OLFM2: variants seen among roughly 807,000 people sequenced by gnomAD.
OLFM2 encodes the protein olfactomedin 2.
Under a neutral mutation model 43.9 loss-of-function variants are expected in OLFM2, and 20 were observed. The ratio of observed to expected loss-of-function variants is 0.46; its 90% CI spans 0.32 to 0.66. The LOEUF is 0.66. Ranked by LOEUF, OLFM2 falls within the 30% of genes least tolerant of loss-of-function variation. The pLI is 0.04. For synonymous variants in OLFM2, 268 were observed against 278.6 expected (o/e 0.96, Z 0.38); for missense variants, 416 against 643.6 (o/e 0.65, Z 3.83).
chr19:9,863,961 GCACA>G (rs2046382440), intron 1 of OLFM2, among the ~76,000 whole-genome samples: 1 of 152,260 alleles, frequency 6.6e-6, no homozygotes, highest in Non-Finnish European at 1.5e-5. Flanking sequence ...TGGCAGCGGA[GCACA>G]GTAACTCACT....
chr19:9,923,652 GGAAAA>G (rs966484337), intron 1 of OLFM2, among the ~76,000 whole-genome samples: 1 of 147,902 alleles, frequency 6.8e-6, no homozygotes, highest in African/African-American at 2.5e-5. Flanking sequence ...GGAAAGGAAA[GGAAAA>G]GAAAAGAAAG....
At chr19:9,892,022 G>A (rs1250379182) in intron 1 of OLFM2, among the ~76,000 whole-genome samples, 5 of 152,088 alleles carry the variant, frequency 3.3e-5, no homozygotes, top group African/African-American at 7.2e-5. Flanking sequence ...CCCTGGAGTC[G>A]GGCACTATTG....
chr19:9,897,047 G>A (rs999069629), intron 1 of OLFM2, among the ~76,000 whole-genome samples: 1 of 152,088 alleles, frequency 6.6e-6, no homozygotes, highest in African/African-American at 2.4e-5. Flanking sequence ...AGAGGATGTG[G>A]GCCAGATGTG....
At chr19:9,917,413 C>T (rs994876313) in intron 1 of OLFM2, among the ~76,000 whole-genome samples, 2 of 152,132 alleles carry the variant, frequency 1.3e-5, no homozygotes, top group Non-Finnish European at 1.5e-5. Context: ...CAGAAAACTA[C>T]ATTTCCCAGA....
At chr19:9,909,834 G>A (rs2046814379) in intron 1 of OLFM2, among the ~76,000 whole-genome samples, 1 of 152,120 alleles carries the variant, frequency 6.6e-6, no homozygotes, top group Non-Finnish European at 1.5e-5. Context: ...TTGGCTAGAG[G>A]GGTAAATAAA....
chr19:9,866,368 G>A (rs985152819), intron 1 of OLFM2, among the ~76,000 whole-genome samples: 3 of 152,280 alleles, frequency 2.0e-5, no homozygotes, highest in Admixed American at 6.5e-5. Context: ...GGAACAGAGA[G>A]TGTCCTACTC....
intron 1 of OLFM2, among the ~76,000 whole-genome samples, chr19:9,881,666 T>C (rs550506247): frequency 3.7e-4 from 1 of 2,702 alleles, no homozygotes; most frequent in South Asian, 0.011. Flanking sequence ...TAATTTTTAA[T>C]TTTTTTTTTT....
rs1473103086 is a variant in OLFM2 at position 9,886,484 on chromosome 19, G to T, written c.64-25690C>A. Among the ~76,000 whole-genome samples the T allele has an allele frequency of 2.0e-5, 3 of 151,738 alleles. No homozygotes were observed. The East Asian group carries it at 5.9e-4, about 30-fold the overall frequency. ...GGCCTCCCAACATGTTGGTATTACCGCACTGGGCCCTAAGAGGGTATTTAT... is the reference window on the plus strand; with the variant it reads ...GGCCTCCCAACATGTTGGTATTACCTCACTGGGCCCTAAGAGGGTATTTAT... On this transcript the variant is annotated intron_variant, in intron 1 of 5. Transcript: ENST00000264833.
At position 9,900,988 on chromosome 19, in the gene OLFM2, A is replaced by AAGGAAGGAAGGAAGGGAGGGAGGG. The variant is rs1401980050; in HGVS notation, c.63+35315_63+35316insCCCTCCCTCCCTTCCTTCCTTCCT. On this transcript the variant is annotated intron_variant, in intron 1 of 5. Transcript: ENST00000264833. The stretch of plus-strand genomic sequence containing the variant: ...GAAGGAAGGAAGGAAGGAAGGAAGG[A>AAGGAAGGAAGGAAGGGAGGGAGGG]AGGGAGGGAGGGGGGAGGGAGGGAA... Among the ~76,000 whole-genome samples, 56 of 28,388 alleles carry AAGGAAGGAAGGAAGGGAGGGAGGG rather than the reference A, an allele frequency of 2.0e-3. 1 individual carries two copies. Among genetic ancestry groups the AAGGAAGGAAGGAAGGGAGGGAGGG allele is most frequent in the African/African-American group, 5.5e-3 (14 of 2,564 alleles). The allele number at this position is 28,388 out of a possible 152,430, so 18.6% of individuals were successfully genotyped here.
chr19:9,929,778 G>A (rs907736245), intron 1 of OLFM2, among the ~76,000 whole-genome samples: 5 of 150,930 alleles, frequency 3.3e-5, no homozygotes, highest in Non-Finnish European at 7.4e-5. Context: ...GGTGGCTCAC[G>A]CCTGTAATCC....
chr19:9,892,381 G>C (rs528554559), intron 1 of OLFM2, among the ~76,000 whole-genome samples: 1 of 152,274 alleles, frequency 6.6e-6, no homozygotes, highest in South Asian at 2.1e-4. Context: ...GCCTGACCTG[G>C]CTCAACCTTG....
intron 1 of OLFM2, among the ~76,000 whole-genome samples, chr19:9,861,661 G>A (rs2046366400): frequency 6.6e-6 from 1 of 152,238 alleles, no homozygotes; most frequent in Admixed American, 6.5e-5. Flanking sequence ...TCAAATAAAT[G>A]TGTGTCACTG....
intron 1 of OLFM2, among the ~76,000 whole-genome samples, chr19:9,869,025 C>T (rs950227529): frequency 4.9e-5 from 6 of 122,932 alleles, no homozygotes; most frequent in Non-Finnish European, 8.3e-5. Context: ...AAAGCAGGGA[C>T]ATAAAACAGA....
At position 9,857,319 on chromosome 19, in the gene OLFM2, A is replaced by G; in HGVS notation, c.524T>C (p.Leu175Pro). The G allele has an allele frequency of 6.2e-7, 1 of 1,614,130 alleles. No individual in the cohort carries two copies. Among genetic ancestry groups the G allele is most frequent in the Non-Finnish European group, 8.5e-7 (1 of 1,180,010 alleles). ...EEMGAYGYED[L>P]QQRVMALEAR... ...CTCCAGGGCCATCACCCGTTGCTGC[A>G]GGTCCTCATACCCGTAGGCACCCAT... Residue 175 changes from leucine (L) to proline (P), a missense_variant, in exon 4 of 6, where the codon CTG becomes CCG. Leu to Pro is a moderately conservative substitution (Grantham distance 98). Coordinates refer to ENST00000264833, the MANE Select transcript of OLFM2 (RefSeq NM_058164.4). The surrounding 1 kb of genome is among the most constrained non-coding windows in gnomAD (Gnocchi z 5.7).
chr19:9,889,687 G>A (rs773377389), intron 1 of OLFM2, among the ~76,000 whole-genome samples: 3 of 152,296 alleles, frequency 2.0e-5, no homozygotes, highest in Non-Finnish European at 4.4e-5. Context: ...CCAGGCAGGT[G>A]TGAACACGTG....
At chr19:9,894,401 A>AATG (rs2046664039) in intron 1 of OLFM2, among the ~76,000 whole-genome samples, 1 of 92,024 alleles carries the variant, frequency 1.1e-5, no homozygotes, top group Non-Finnish European at 2.3e-5. Flanking sequence ...TAATAATAAT[A>AATG]ATAATAATAA....
chr19:9,853,775 AAAAG>A lies in OLFM2; in HGVS notation c.*407_*410del. On this transcript the variant is annotated 3_prime_UTR_variant, in exon 6 of 6. Transcript: ENST00000264833. ...ACCGGAAAGAAAAAGTGTAAATAAA[AAAAG>A]AAACAGATCCATGCACTCAACTCCT... 1 of 312,082 alleles carries A rather than the reference AAAAG, an allele frequency of 3.2e-6. No homozygotes were observed. The highest frequency in any genetic ancestry group is 5.8e-6 in the Non-Finnish European group (1 of 172,666). 19.3% of individuals were successfully genotyped at this position (312,082 alleles called of 1,614,324 possible).
Position 9,856,757 on chromosome 19 carries a change from G to T in OLFM2, c.687+50C>A. On this transcript the variant is annotated intron_variant, in intron 5 of 5. Transcript: ENST00000264833. The surrounding 1 kb of genome is among the most constrained non-coding windows in gnomAD (Gnocchi z 4.0). ...CCCTAGGCACCTATGGGCAGTCAAA[G>T]GCTCTGTCCCTCCCAGGCCCTGACC... 1 of 1,479,562 alleles carries T rather than the reference G, an allele frequency of 6.8e-7. No homozygotes were observed. 91.7% of individuals were successfully genotyped at this position (1,479,562 alleles called of 1,614,324 possible). A position where few individuals can be genotyped will look rare whatever the true frequency, so the allele number is the denominator to read the frequency against.
chr19:9,905,938 A>G (rs2046782404), intron 1 of OLFM2, among the ~76,000 whole-genome samples: 1 of 152,204 alleles, frequency 6.6e-6, no homozygotes, highest in African/African-American at 2.4e-5. Flanking sequence ...ACGCTCAGAC[A>G]TTCCGCACAC....
Sources: allele counts gnomAD v4.1 joint callset (sites outside exome capture counted in the v4.1 genomes callset), GRCh38; gene constraint gnomAD v4.1.1; non-coding constraint Gnocchi (gnomAD v3.1); transcripts MANE v1.5; gene names NCBI Gene and HGNC (gene_info 2026-07-23, HGNC 2026-07-21).